The following GPC5 variants were observed in gnomAD, a reference collection of about 807,000 sequenced individuals.
GPC5 encodes the protein glypican-5.
In GPC5, 47 loss-of-function variants were observed where a neutral mutation model predicts 53.9. That is an observed-to-expected ratio of 0.87 (90% CI 0.69 to 1.11). The LOEUF (loss-of-function observed/expected upper bound fraction) is 1.11. GPC5 is among the 50% of genes most tolerant of loss of function. GPC5 has a pLI of 0.00. For missense variants in GPC5, 748 were observed against 713.1 expected, an observed-to-expected ratio of 1.05 and a Z score of -0.56; for synonymous variants, 286 against 263.3, an observed-to-expected ratio of 1.09 and a Z score of -0.84.
chr13:91,834,309 G>A (rs1346470354), intron 5 of GPC5, among the ~76,000 whole-genome samples: 1 of 152,036 alleles, frequency 6.6e-6, no homozygotes, highest in East Asian at 1.9e-4. Flanking sequence ...TCGTGAAAAG[G>A]GCCATACTGT....
chr13:91,495,881 G>T (rs1276133745), intron 2 of GPC5, among the ~76,000 whole-genome samples: 1 of 152,038 alleles, frequency 6.6e-6, no homozygotes, highest in Non-Finnish European at 1.5e-5. Context: ...AAATTAGCTG[G>T]GCGTGGTGGC....
intron 7 of GPC5, among the ~76,000 whole-genome samples, chr13:92,175,574 CG>C (rs2042103693): frequency 6.6e-6 from 1 of 151,946 alleles, no homozygotes; most frequent in South Asian, 2.1e-4. Flanking sequence ...CCTTTGGAAA[CG>C]TTTACTGAAC....
At chr13:92,111,397 G>C (rs2041555446) in intron 6 of GPC5, among the ~76,000 whole-genome samples, 1 of 152,124 alleles carries the variant, frequency 6.6e-6, no homozygotes, top group Admixed American at 6.6e-5. Flanking sequence ...CCCTCTCTCT[G>C]TAGGTACCAG....
At chr13:92,411,795 T>C (rs1192504812) in intron 7 of GPC5, among the ~76,000 whole-genome samples, 3 of 152,210 alleles carry the variant, frequency 2.0e-5, no homozygotes, top group Non-Finnish European at 2.9e-5. Context: ...ATGTAAATTA[T>C]CCGCGTCAAA....
chr13:91,758,794 A>G (rs2037348807), intron 5 of GPC5, among the ~76,000 whole-genome samples: 1 of 152,160 alleles, frequency 6.6e-6, no homozygotes, highest in Non-Finnish European at 1.5e-5. Context: ...TTCCAAGTGC[A>G]TAGAGACTCC....
intron 6 of GPC5, among the ~76,000 whole-genome samples, chr13:92,115,069 G>T (rs1287110013): frequency 1.3e-5 from 2 of 152,146 alleles, no homozygotes; most frequent in East Asian, 1.9e-4. Flanking sequence ...TAGAATAAAA[G>T]GACATTCATA....
intron 7 of GPC5, among the ~76,000 whole-genome samples, chr13:92,779,098 A>G (rs1370910721): frequency 6.6e-6 from 1 of 152,126 alleles, no homozygotes; most frequent in African/African-American, 2.4e-5. Context: ...CTGGACTTAC[A>G]GTTCCACATG....
chr13:91,487,119 C>G (rs78029253), intron 2 of GPC5, among the ~76,000 whole-genome samples: 1,861 of 152,074 alleles, frequency 0.012, 32 homozygotes, highest in African/African-American at 0.041. Flanking sequence ...TGAAAATGAA[C>G]TGACAAAATG....
chr13:92,216,215 T>G (rs1205876190), intron 7 of GPC5, among the ~76,000 whole-genome samples: 2 of 152,202 alleles, frequency 1.3e-5, no homozygotes, highest in Non-Finnish European at 1.5e-5. Flanking sequence ...CACAAAATAC[T>G]GTAAGTGCAA....
intron 7 of GPC5, among the ~76,000 whole-genome samples, chr13:92,755,976 T>G (rs1464916808): frequency 2.0e-5 from 3 of 151,692 alleles, no homozygotes; most frequent in Non-Finnish European, 4.4e-5. Context: ...CCTAACTCAT[T>G]TTATGAGGCC....
intron 7 of GPC5, among the ~76,000 whole-genome samples, chr13:92,421,925 G>A (rs1373068401): frequency 6.6e-6 from 1 of 151,930 alleles, no homozygotes; most frequent in Non-Finnish European, 1.5e-5. Context: ...CTTTGGTCCA[G>A]CTTGGAATAC....
intron 2 of GPC5, among the ~76,000 whole-genome samples, chr13:91,558,824 C>G (rs1177571289): frequency 2.0e-5 from 3 of 151,548 alleles, no homozygotes; most frequent in African/African-American, 7.3e-5. Context: ...CCAGTGAGGT[C>G]TGGATCTCAG....
intron 2 of GPC5, among the ~76,000 whole-genome samples, chr13:91,618,424 G>T (rs1197784135): frequency 6.6e-6 from 1 of 151,980 alleles, no homozygotes; most frequent in Non-Finnish European, 1.5e-5. Flanking sequence ...ATCAATATTG[G>T]TGTTACATAA....
At chr13:92,065,814 G>T (rs550406517) in intron 6 of GPC5, among the ~76,000 whole-genome samples, 170 of 152,166 alleles carry the variant, frequency 1.1e-3, no homozygotes, top group African/African-American at 3.0e-3. Flanking sequence ...AATATTTGTT[G>T]AAATTACAAA....
At chr13:92,465,809 A>AGTTCTATT (rs1461523729) in intron 7 of GPC5, among the ~76,000 whole-genome samples, 2 of 152,094 alleles carry the variant, frequency 1.3e-5, no homozygotes, top group Non-Finnish European at 2.9e-5. Flanking sequence ...TTCATTAAAA[A>AGTTCTATT]GTTCTATTGT....
intron 7 of GPC5, among the ~76,000 whole-genome samples, chr13:92,751,227 C>A (rs1889380800): frequency 7.8e-6 from 1 of 129,016 alleles, no homozygotes; most frequent in African/African-American, 2.9e-5. Context: ...TTGCCTGTGA[C>A]AATGTGTGGA....
At chr13:92,310,987 A>G (rs2043141446) in intron 7 of GPC5, among the ~76,000 whole-genome samples, 1 of 152,146 alleles carries the variant, frequency 6.6e-6, no homozygotes, top group African/African-American at 2.4e-5. Context: ...TTCTATGTCA[A>G]TGGCAGCTAA....
At chr13:92,551,130 A>G (rs193101582) in intron 7 of GPC5, among the ~76,000 whole-genome samples, 1 of 151,982 alleles carries the variant, frequency 6.6e-6, no homozygotes, top group Admixed American at 6.6e-5. Flanking sequence ...AATTATTTGT[A>G]TTCTGAAACA....
chr13:92,295,856 C>T (rs776849491), intron 7 of GPC5, among the ~76,000 whole-genome samples: 7 of 152,020 alleles, frequency 4.6e-5, no homozygotes, highest in Admixed American at 2.6e-4. Flanking sequence ...AGTCCTTATG[C>T]GTTAGGTAAG....
Sources: allele counts gnomAD v4.1 joint callset (sites outside exome capture counted in the v4.1 genomes callset), GRCh38; gene constraint gnomAD v4.1.1; transcripts MANE v1.5; gene names NCBI Gene and HGNC (gene_info 2026-07-23, HGNC 2026-07-21).